The following ALLC variants were observed in gnomAD, a reference collection of about 807,000 sequenced individuals.
The protein encoded by ALLC is probable inactive allantoicase.
A neutral mutation model predicts 45.0 loss-of-function variants in ALLC; 40 were observed. The observed-to-expected ratio is 0.89, with a 90% CI of 0.69 to 1.16. The LOEUF (loss-of-function observed/expected upper bound fraction) is 1.16, where lower values mean the gene tolerates loss of function less well. ALLC is among the 50% of genes most tolerant of loss of function. The pLI is 0.00. For missense variants in ALLC, 488 were observed against 493.1 expected (o/e 0.99, Z 0.10); for synonymous variants, 176 against 178.1 (o/e 0.99, Z 0.09).
chr2:3,651,303 GGTGGGTGGGT>G, the ALLC span, among the ~76,000 whole-genome samples: 35,549 of 42,200 alleles, frequency 0.84, 15,158 homozygotes, highest in South Asian at 0.92. Flanking sequence ...TTTTTGGGTG[GGTGGGTGGGT>G]GGGGGGGGTG....
the ALLC span, among the ~76,000 whole-genome samples, chr2:3,647,507 G>A: frequency 2.0e-5 from 3 of 148,858 alleles, no homozygotes; most frequent in Non-Finnish European, 2.9e-5. Context: ...ATCCTCTCCC[G>A]ATGCCGCTGG....
At chr2:3,651,347 G>A in the ALLC span, among the ~76,000 whole-genome samples, 1 of 2,338 alleles carries the variant, frequency 4.3e-4, no homozygotes, top group South Asian at 0.014. Context: ...GTGTGTGTGT[G>A]TGTGTGTGTG....
Position 3,695,767 on chromosome 2 carries a change from A to G in ALLC, c.562A>G (p.Thr188Ala). Residue 188 changes from threonine to alanine, a missense_variant, in exon 8 of 12, where the codon ACT (threonine) becomes GCT (alanine). Transcript: ENST00000252505. ...ATTCGGTACTGGACAAAAAGACTGG[A>G]CTGCAACTGACCCCAAAGAACCTGC... is the stretch of plus-strand genomic sequence containing the variant. ...RVFGTGQKDW[T>A]ATDPKEPADL... The G allele has an allele frequency of 6.2e-7, 1 of 1,614,012 alleles. No individual in the cohort carries two copies. The highest frequency in any genetic ancestry group is 1.1e-5 in the South Asian group (1 of 91,076).
At chr2:3,646,061 C>T in the ALLC span, among the ~76,000 whole-genome samples, 2 of 152,128 alleles carry the variant, frequency 1.3e-5, no homozygotes, top group East Asian at 1.9e-4. Flanking sequence ...TTGCCCGCAG[C>T]CTTGGAAAAT....
chr2:3,646,819 G>A, the ALLC span, among the ~76,000 whole-genome samples: 5 of 152,180 alleles, frequency 3.3e-5, no homozygotes, highest in Non-Finnish European at 7.3e-5. Flanking sequence ...CTCCGTTTCT[G>A]ACTCTGTCAG....
chr2:3,697,242 A>T, intron 9 of ALLC, 106 bp from the exon 10 acceptor site: 1 of 790,146 alleles, frequency 1.3e-6, no homozygotes, highest in Non-Finnish European at 2.1e-6. Flanking sequence ...CTTCTATAGT[A>T]AGAAATAAAA....
At chr2:3,657,414 T>C (rs113823654), upstream of ALLC, among the ~76,000 whole-genome samples, 1 of 152,214 alleles carries the variant, frequency 6.6e-6, no homozygotes, top group African/African-American at 2.4e-5. Context: ...AGGTTGTCTT[T>C]CTGGAGCCCC....
chr2:3,666,459 G>C (rs1044195126), intron 1 of ALLC, among the ~76,000 whole-genome samples: 1 of 152,222 alleles, frequency 6.6e-6, no homozygotes, highest in Admixed American at 6.5e-5. Flanking sequence ...CCGTGGACTT[G>C]GTGAGACCCA....
intron 7 of ALLC, among the ~76,000 whole-genome samples, chr2:3,686,522 C>T (rs1215285495): frequency 6.6e-6 from 1 of 150,850 alleles, no homozygotes; most frequent in Non-Finnish European, 1.5e-5. Context: ...CTGTAAATTG[C>T]TTTGGATAGT....
chr2:3,674,174 C>T, intron 3 of ALLC, 49 bp downstream of exon 3: 6 of 1,331,348 alleles, frequency 4.5e-6, no homozygotes, highest in Non-Finnish European at 6.3e-6. Context: ...GTAGAGAAAT[C>T]TATGCCGCCT....
At chr2:3,647,105 T>C in the ALLC span, among the ~76,000 whole-genome samples, 1 of 152,134 alleles carries the variant, frequency 6.6e-6, no homozygotes, top group African/African-American at 2.4e-5. Flanking sequence ...TCTGGTTCGC[T>C]GAGGTGGCCT....
At chr2:3,676,797 T>TC (rs201506557) in intron 3 of ALLC, among the ~76,000 whole-genome samples, 6 of 135,004 alleles carry the variant, frequency 4.4e-5, no homozygotes, top group Non-Finnish European at 8.5e-5. Flanking sequence ...TCTCTCTCTC[T>TC]TTTTTTTTGA....
chr2:3,668,405 TTG>T (rs1411703420), intron 1 of ALLC, among the ~76,000 whole-genome samples: 1 of 151,928 alleles, frequency 6.6e-6, no homozygotes, highest in African/African-American at 2.4e-5. Context: ...GGAATGACTT[TTG>T]TTTCTGAAAG....
At chr2:3,686,159 G>A (rs879811736) in intron 7 of ALLC, among the ~76,000 whole-genome samples, 3 of 150,956 alleles carry the variant, frequency 2.0e-5, no homozygotes, top group Non-Finnish European at 3.0e-5. Flanking sequence ...TTTTGCATAA[G>A]GTGAGAGATA....
intron 7 of ALLC, among the ~76,000 whole-genome samples, chr2:3,683,340 A>G (rs1237005209): frequency 2.0e-5 from 3 of 152,238 alleles, no homozygotes; most frequent in African/African-American, 7.2e-5. Context: ...AGATTTCACA[A>G]GTATGTTATA....
rs563317520 is a variant in ALLC, at chr2:3,696,425, T to G, written c.741+77T>G. The G allele has an allele frequency of 5.6e-5, 73 of 1,300,742 alleles. No individual in the cohort carries two copies. The African/African-American group carries it at 9.7e-4, about 17-fold the overall frequency. 80.6% of individuals were successfully genotyped at this position (1,300,742 alleles called of 1,614,324 possible). On this transcript the variant is annotated intron_variant, in intron 9 of 11. Transcript: ENST00000252505. ...TGGAACTTTTTCTTTTAAATAAACT[T>G]TTGCACATTTTAGAAACCTCATATG...
the ALLC span, among the ~76,000 whole-genome samples, chr2:3,653,197 T>C: frequency 6.6e-6 from 1 of 152,254 alleles, no homozygotes; most frequent in Non-Finnish European, 1.5e-5. The surrounding 1 kb of genome is among the most constrained non-coding windows in gnomAD (Gnocchi z 4.1). Flanking sequence ...AGCATCACTC[T>C]GTCTCCTTCT....
intron 7 of ALLC, among the ~76,000 whole-genome samples, chr2:3,689,249 G>C (rs1667411533): frequency 6.6e-6 from 1 of 150,400 alleles, no homozygotes; most frequent in Admixed American, 6.6e-5. Flanking sequence ...TCTTCTACTA[G>C]TAATTTTGGG....
intron 1 of ALLC, 131 bp from the exon 2 acceptor site, chr2:3,670,965 A>G (rs1448531036): frequency 3.3e-6 from 2 of 608,408 alleles, no homozygotes; most frequent in East Asian, 5.5e-5. Flanking sequence ...TGTCAGGTAC[A>G]GTTGACAGTA....
Sources: allele counts gnomAD v4.1 joint callset (sites outside exome capture counted in the v4.1 genomes callset), GRCh38; gene constraint gnomAD v4.1.1; non-coding constraint Gnocchi (gnomAD v3.1); transcripts MANE v1.5; gene names NCBI Gene and HGNC (gene_info 2026-07-23, HGNC 2026-07-21).